ATOH8: variants seen among roughly 807,000 people sequenced by gnomAD.
ATOH8 encodes transcription factor ATOH8.
ATOH8 carries 9 observed loss-of-function variants against 21.2 expected under a neutral mutation model. The ratio of observed to expected loss-of-function variants is 0.42; its 90% CI spans 0.26 to 0.74. ATOH8 has a LOEUF of 0.74. Ranked by LOEUF, ATOH8 falls within the 30% of genes least tolerant of loss-of-function variation. The probability of loss-of-function intolerance (pLI) is 0.24; values close to 1 mark genes in which losing one functional copy is unlikely to be tolerated. For synonymous variants in ATOH8, 253 were observed against 224.0 expected, an observed-to-expected ratio of 1.13 and a Z score of -1.16; for missense variants, 524 against 470.9, an observed-to-expected ratio of 1.11 and a Z score of -1.04.
intron 2 of ATOH8, among the ~76,000 whole-genome samples, chr2:85,776,880 C>T (rs1180733613): frequency 2.0e-5 from 3 of 152,082 alleles, no homozygotes; most frequent in Non-Finnish European, 2.9e-5. Flanking sequence ...TGTCCATCCC[C>T]CTGTCAGCAG....
chr2:85,772,791 GA>G (rs1326924294), intron 2 of ATOH8: 3 of 456,446 alleles, frequency 6.6e-6, no homozygotes, highest in Non-Finnish European at 1.3e-5. Context: ...GTTTTCTCTT[GA>G]CTTTTTATCT....
chr2:85,776,623 C>A (rs1680329275), intron 2 of ATOH8, among the ~76,000 whole-genome samples: 1 of 152,198 alleles, frequency 6.6e-6, no homozygotes. Flanking sequence ...GGAGGGCCTC[C>A]TGCATGGTGG....
Position 85,788,617 on chromosome 2 carries a change from G to C in ATOH8, c.*1727G>C, listed in dbSNP as rs1462638014. Among the ~76,000 whole-genome samples the C allele has an allele frequency of 6.6e-6, 1 of 152,210 alleles. No individual in the cohort carries two copies. The highest frequency in any genetic ancestry group is 2.4e-5 in the African/African-American group (1 of 41,454). On this transcript the variant is annotated 3_prime_UTR_variant, in exon 3 of 3. Coordinates refer to ENST00000306279, the MANE Select transcript of ATOH8 (RefSeq NM_032827.7). ...ATAAGATAAAAAATAGGAGAGCACT[G>C]TCAAGGCAGAAGGGACAGGGCTGGC...
chr2:85,790,804 C>T lies in ATOH8; in HGVS notation c.*3914C>T, dbSNP rs369867372. ...CAGCTAATTAGGATAAGACAGGGGC[C>T]GCGCTGTGGTCAGCCGTGGGAAGCC... On this transcript the variant is annotated 3_prime_UTR_variant, in exon 3 of 3. Transcript: ENST00000306279. Among the ~76,000 whole-genome samples, 4 of 152,174 alleles carry T rather than the reference C, an allele frequency of 2.6e-5. No individual in the cohort carries two copies. The highest frequency in any genetic ancestry group is 2.1e-4 in the South Asian group (1 of 4,822).
At chr2:85,772,735 C>A (rs148806675) in intron 2 of ATOH8, 3 of 457,070 alleles carry the variant, frequency 6.6e-6, no homozygotes, top group South Asian at 4.6e-5. Flanking sequence ...CAGGACTGGA[C>A]GCCGTAAAAG....
intron 2 of ATOH8, chr2:85,772,854 C>T (rs1437944243): frequency 1.5e-5 from 7 of 454,922 alleles, no homozygotes; most frequent in Non-Finnish European, 2.6e-5. Flanking sequence ...TTCCTCTTCT[C>T]ACATCAGTTG....
chr2:85,774,065 T>C (rs1680263630), intron 2 of ATOH8: 2 of 982,568 alleles, frequency 2.0e-6, no homozygotes, highest in Non-Finnish European at 2.4e-6. Context: ...CACCAGCTCC[T>C]GGGTCTGTTC....
chr2:85,755,848 C>T (rs933492819), intron 1 of ATOH8, among the ~76,000 whole-genome samples: 1 of 151,952 alleles, frequency 6.6e-6, no homozygotes, highest in Non-Finnish European at 1.5e-5. Flanking sequence ...CTCCCACCCC[C>T]ACACAGGGCG....
rs1348009006 is a variant in ATOH8 at position 85,766,635 on chromosome 2, C to T, written c.960+2453C>T. Among the ~76,000 whole-genome samples, 6 of 152,204 alleles carry T rather than the reference C, an allele frequency of 3.9e-5. No individual in the cohort carries two copies. The highest frequency in any genetic ancestry group is 7.3e-5 in the Non-Finnish European group (5 of 68,034). ...TTATCTGGACGACCAGGATTTGACA[C>T]GGCAGCCTTTGCAAGTGTGGGCATC... On this transcript the variant is annotated intron_variant, in intron 2 of 2. Coordinates refer to ENST00000306279, the MANE Select transcript of ATOH8 (RefSeq NM_032827.7). The surrounding 1 kb of genome is among the most constrained non-coding windows in gnomAD (Gnocchi z 4.0).
chr2:85,778,436 T>C (rs1053702220), intron 2 of ATOH8, among the ~76,000 whole-genome samples: 3 of 152,170 alleles, frequency 2.0e-5, no homozygotes, highest in African/African-American at 7.2e-5. Flanking sequence ...TGGAAGAGGC[T>C]AGGGGAGGTG....
intron 2 of ATOH8, among the ~76,000 whole-genome samples, chr2:85,781,344 A>G (rs1485325990): frequency 6.6e-6 from 1 of 151,242 alleles, no homozygotes; most frequent in Non-Finnish European, 1.5e-5. Flanking sequence ...AGGTGGGCGG[A>G]TCACTTGAGG....
In ATOH8 at chr2:85,766,179, A is replaced by AG. The variant is rs1461986527; in HGVS notation, c.960+2000dup. Among the ~76,000 whole-genome samples, 2 of 152,206 alleles carry AG rather than the reference A, an allele frequency of 1.3e-5. No homozygotes were observed. The highest frequency in any genetic ancestry group is 1.5e-5 in the Non-Finnish European group (1 of 67,982). On this transcript the variant is annotated intron_variant, in intron 2 of 2. Coordinates refer to ENST00000306279, the MANE Select transcript of ATOH8 (RefSeq NM_032827.7). The surrounding 1 kb of genome is among the most constrained non-coding windows in gnomAD (Gnocchi z 4.0). The stretch of plus-strand genomic sequence containing the variant: ...TGGTGTCTGCATGGTCACCGTCCTC[A>AG]GGGTAATGATAATGAGCCCCTAAAA...
rs765239128 is a variant in ATOH8 at position 85,754,588 on chromosome 2, G to C, written c.399G>C (p.Gln133His). The change falls in exon 1 of 3, where the codon CAG (glutamine) becomes CAC (histidine). Residue 133 changes from glutamine (Q) to histidine (H), a missense_variant. Physicochemically the swap from Gln to His is conservative, Grantham distance 24. Transcript: ENST00000306279. Reference protein sequence around the residue: ...TPPPPPPPAPQSQAPGGPEAQ... With the variant: ...TPPPPPPPAPHSQAPGGPEAQ... ...CGCCGCCGCCGCCTCCTGCGCCCCA[G>C]AGCCAGGCACCTGGGGGCCCAGAGG... 16 of 1,467,318 alleles carry C rather than the reference G, an allele frequency of 1.1e-5. 1 individual carries two copies. The South Asian group carries it at 1.9e-4, about 17-fold the overall frequency. The allele number at this position is 1,467,318 out of a possible 1,614,324, so 90.9% of individuals were successfully genotyped here. A position where few individuals can be genotyped will look rare whatever the true frequency, so the allele number is the denominator to read the frequency against.
At position 85,763,611 on chromosome 2, in the gene ATOH8, A is replaced by C. The variant is rs567884335; in HGVS notation, c.769-380A>C. Reference sequence around the variant, plus strand: ...CCAGCAAAACAAGTGTTGCTGAATGAATGAATGGAACATCAGAGCTGAAAA... The same window carrying C: ...CCAGCAAAACAAGTGTTGCTGAATGCATGAATGGAACATCAGAGCTGAAAA... On this transcript the variant is annotated intron_variant, in intron 1 of 2. Coordinates refer to ENST00000306279, the MANE Select transcript of ATOH8 (RefSeq NM_032827.7). Among the ~76,000 whole-genome samples the C allele has an allele frequency of 3.9e-5, 6 of 152,248 alleles. No individual in the cohort carries two copies. In the South Asian group the frequency reaches 1.2e-3, roughly 32 times the overall value.
At position 85,766,772 on chromosome 2, in the gene ATOH8, CT is replaced by C. The variant is rs746963475; in HGVS notation, c.960+2594del. ...TGTGTCCCGCTTCTGGGCACCTATG[CT>C]TTTGCGGTCATAATTGCTAGCTGTC... On this transcript the variant is annotated intron_variant, in intron 2 of 2. Coordinates refer to ENST00000306279, the MANE Select transcript of ATOH8 (RefSeq NM_032827.7). This position sits in a 1 kb window ranked among gnomAD's most constrained non-coding sequence, Gnocchi z 4.0. 3.3e-5 allele frequency among the ~76,000 whole-genome samples: 5 copies of C among 152,186 alleles called. No individual in the cohort carries two copies. The highest frequency in any genetic ancestry group is 7.3e-5 in the Non-Finnish European group (5 of 68,034).
chr2:85,755,531 G>A (rs1421040113), intron 1 of ATOH8, among the ~76,000 whole-genome samples: 1 of 152,314 alleles, frequency 6.6e-6, no homozygotes, highest in South Asian at 2.1e-4. Flanking sequence ...CTCAGGAATC[G>A]GCTGGTGGGA....
chr2:85,765,997 C>CA (rs1163700257), intron 2 of ATOH8, among the ~76,000 whole-genome samples: 6 of 152,142 alleles, frequency 3.9e-5, no homozygotes, highest in African/African-American at 1.4e-4. Flanking sequence ...AGCACAGCCC[C>CA]GAGTTCAAGC....
At chr2:85,759,064 G>C (rs1466606209) in intron 1 of ATOH8, among the ~76,000 whole-genome samples, 1 of 152,188 alleles carries the variant, frequency 6.6e-6, no homozygotes, top group Non-Finnish European at 1.5e-5. Context: ...TCCTCTCTAC[G>C]GAGGACATGC....
intron 2 of ATOH8, among the ~76,000 whole-genome samples, chr2:85,776,664 A>C (rs1220566075): frequency 6.6e-6 from 1 of 151,828 alleles, no homozygotes; most frequent in African/African-American, 2.4e-5. Flanking sequence ...GGAAGGAGGT[A>C]CTCCCTGGAA....
Sources: gnomAD v4.1 joint callset for allele counts (sites outside exome capture counted in the v4.1 genomes callset) on GRCh38, gnomAD v4.1.1 for gene constraint, Gnocchi (gnomAD v3.1) non-coding constraint, MANE v1.5 for transcripts, NCBI Gene and HGNC (gene_info 2026-07-23, HGNC 2026-07-21) for gene names.